NRG3: variants seen among roughly 807,000 people sequenced by gnomAD.
The protein encoded by NRG3 is pro-neuregulin-3, membrane-bound isoform.
In NRG3, 31 loss-of-function variants were observed where a neutral mutation model predicts 66.9. The ratio of observed to expected loss-of-function variants is 0.46; its 90% CI spans 0.35 to 0.63. NRG3 has a LOEUF of 0.63. NRG3 is among the 20% of genes least tolerant of loss of function. NRG3 has a pLI of 0.00. For synonymous variants in NRG3, 393 were observed against 359.4 expected, an observed-to-expected ratio of 1.09 and a Z score of -1.06; for missense variants, 910 against 878.9, an observed-to-expected ratio of 1.04 and a Z score of -0.45.
intron 1 of NRG3, among the ~76,000 whole-genome samples, chr10:81,972,944 A>C (rs2133382497): frequency 6.6e-6 from 1 of 152,264 alleles, no homozygotes; most frequent in South Asian, 2.1e-4. Flanking sequence ...TTAAGTTCAG[A>C]GGTACAATTG....
intron 1 of NRG3, among the ~76,000 whole-genome samples, chr10:82,317,026 A>G (rs1330584935): frequency 1.3e-5 from 2 of 152,068 alleles, no homozygotes; most frequent in African/African-American, 4.8e-5. Context: ...GCTGGTTGTG[A>G]CCTGTCATTG....
Position 82,985,151 on chromosome 10 carries a change from T to C in NRG3, c.1637T>C (p.Leu546Pro). ...CGAAATACATCAATAAATATGCAAC[T>C]GCCTTCAAGAGAGACAAACCCCTAT... ...TQRNTSINMQLPSRETNPYFN... is the reference protein window; with the variant it reads ...TQRNTSINMQPPSRETNPYFN... The change falls in exon 9 of 9, where the codon CTG (leucine) becomes CCG (proline). Residue 546 changes from leucine to proline, a missense_variant. By Grantham distance (98) the Leu-to-Pro change is moderately conservative (BLOSUM62 -3). Coordinates refer to ENST00000372141, the MANE Select transcript of NRG3 (RefSeq NM_001010848.4). The C allele has an allele frequency of 1.9e-6, 3 of 1,613,964 alleles. No individual in the cohort carries two copies. In the East Asian group the frequency reaches 6.7e-5, roughly 36 times the overall value.
At chr10:82,944,734 A>G (rs545135122) in intron 4 of NRG3, among the ~76,000 whole-genome samples, 6 of 152,346 alleles carry the variant, frequency 3.9e-5, no homozygotes. Context: ...GCCAGCCCAA[A>G]TAAATGCATT....
intron 4 of NRG3, among the ~76,000 whole-genome samples, chr10:82,876,178 C>A (rs551915600): frequency 6.6e-6 from 1 of 152,132 alleles, no homozygotes; most frequent in African/African-American, 2.4e-5. Context: ...TAACATAAGA[C>A]CAATACATCT....
chr10:82,149,696 T>C (rs2070551485), intron 1 of NRG3, among the ~76,000 whole-genome samples: 1 of 149,278 alleles, frequency 6.7e-6, no homozygotes, highest in Non-Finnish European at 1.5e-5. Flanking sequence ...GCTGGGAATT[T>C]AGAAAGCTCT....
chr10:82,621,303 T>C (rs1378928640), intron 2 of NRG3, among the ~76,000 whole-genome samples: 1 of 152,146 alleles, frequency 6.6e-6, no homozygotes, highest in African/African-American at 2.4e-5. Context: ...TGTCTCATCT[T>C]CTCCTCAACA....
At chr10:82,881,657 C>A (rs531119407) in intron 4 of NRG3, among the ~76,000 whole-genome samples, 3 of 152,292 alleles carry the variant, frequency 2.0e-5, no homozygotes, top group Admixed American at 6.5e-5. Context: ...ATTTTGACTT[C>A]ATCTCCTATA....
intron 1 of NRG3, among the ~76,000 whole-genome samples, chr10:82,037,072 GAC>G (rs2132956526): frequency 6.6e-6 from 1 of 152,246 alleles, no homozygotes; most frequent in Non-Finnish European, 1.5e-5. Flanking sequence ...ATTCCAAGAT[GAC>G]AGTGCCCCTC....
At chr10:82,862,641 T>C (rs927155874) in intron 3 of NRG3, among the ~76,000 whole-genome samples, 1 of 152,184 alleles carries the variant, frequency 6.6e-6, no homozygotes, top group Non-Finnish European at 1.5e-5. Context: ...CTCTCAGATT[T>C]TGAGAGCTAA....
At chr10:82,743,749 G>A (rs1461384379) in intron 3 of NRG3, among the ~76,000 whole-genome samples, 3 of 152,108 alleles carry the variant, frequency 2.0e-5, no homozygotes, top group South Asian at 4.1e-4. Flanking sequence ...GAATGCCAAT[G>A]TAGGGCCAGG....
At chr10:82,869,613 T>TTTA (rs2135976126) in intron 4 of NRG3, among the ~76,000 whole-genome samples, 1 of 147,550 alleles carries the variant, frequency 6.8e-6, no homozygotes, top group Non-Finnish European at 1.5e-5. Context: ...TTTATTTTAT[T>TTTA]TTATTTTATT....
intron 2 of NRG3, among the ~76,000 whole-genome samples, chr10:82,579,682 G>GC (rs2046239597): frequency 6.6e-6 from 1 of 151,928 alleles, no homozygotes; most frequent in Admixed American, 6.6e-5. Flanking sequence ...TCAACTCCAT[G>GC]TTGTAGCAAC....
chr10:82,690,995 CTCTT>C (rs984830244), intron 2 of NRG3, among the ~76,000 whole-genome samples: 40 of 152,198 alleles, frequency 2.6e-4, no homozygotes, highest in African/African-American at 8.7e-4. Context: ...TCTTCTCCTC[CTCTT>C]TCTTCTTTCT....
intron 2 of NRG3, among the ~76,000 whole-genome samples, chr10:82,684,538 A>T (rs533179092): frequency 1.9e-4 from 29 of 152,252 alleles, no homozygotes; most frequent in African/African-American, 6.7e-4. Flanking sequence ...TGGAACAAAA[A>T]AAAACAGTAC....
chr10:82,163,559 A>G (rs986096415), intron 1 of NRG3, among the ~76,000 whole-genome samples: 3 of 152,190 alleles, frequency 2.0e-5, no homozygotes, highest in African/African-American at 7.2e-5. Flanking sequence ...AAATTAATTC[A>G]GGAAGCTATA....
At chr10:82,822,562 G>C (rs2061998925) in intron 3 of NRG3, among the ~76,000 whole-genome samples, 1 of 152,152 alleles carries the variant, frequency 6.6e-6, no homozygotes. Flanking sequence ...GATTTCTAGA[G>C]GTGGCCTGAG....
intron 2 of NRG3, among the ~76,000 whole-genome samples, chr10:82,545,451 T>A (rs2043832161): frequency 6.7e-6 from 1 of 149,398 alleles, no homozygotes; most frequent in South Asian, 2.1e-4. Flanking sequence ...CGATCTCGGC[T>A]CACTGAAAGC....
intron 2 of NRG3, among the ~76,000 whole-genome samples, chr10:82,513,419 G>T (rs1232434086): frequency 6.6e-6 from 1 of 152,130 alleles, no homozygotes; most frequent in African/African-American, 2.4e-5. Context: ...CTGAATATAT[G>T]CGTGCATGTA....
intron 1 of NRG3, among the ~76,000 whole-genome samples, chr10:82,016,534 T>C (rs2061794114): frequency 1.3e-5 from 2 of 152,126 alleles, no homozygotes; most frequent in Non-Finnish European, 2.9e-5. Flanking sequence ...TTCACATTTA[T>C]TTGCCATAAA....
Sources: allele counts gnomAD v4.1 joint callset (sites outside exome capture counted in the v4.1 genomes callset), GRCh38; gene constraint gnomAD v4.1.1; transcripts MANE v1.5; gene names NCBI Gene and HGNC (gene_info 2026-07-23, HGNC 2026-07-21).